Variants in SPOCK1 observed in about 807,000 individuals in gnomAD.
The protein encoded by SPOCK1 is testican-1.
Under a neutral mutation model 55.3 loss-of-function variants are expected in SPOCK1, and 23 were observed. The observed-to-expected ratio is 0.42, with a 90% CI of 0.30 to 0.59. SPOCK1 has a LOEUF of 0.59. SPOCK1 is among the 20% of genes least tolerant of loss of function. The probability of loss-of-function intolerance (pLI) is 0.22; values close to 1 mark genes in which losing one functional copy is unlikely to be tolerated. For synonymous variants in SPOCK1, 226 were observed against 221.0 expected, an observed-to-expected ratio of 1.02 and a Z score of -0.20; for missense variants, 499 against 552.5, an observed-to-expected ratio of 0.90 and a Z score of 0.97.
intron 4 of SPOCK1, among the ~76,000 whole-genome samples, chr5:137,122,060 G>A (rs1320121619): frequency 1.3e-5 from 2 of 151,564 alleles, no homozygotes; most frequent in African/African-American, 4.9e-5. Flanking sequence ...ATAGGATGAC[G>A]TGACCACGTA....
intron 2 of SPOCK1, among the ~76,000 whole-genome samples, chr5:137,484,604 G>A (rs906708481): frequency 6.6e-6 from 1 of 152,222 alleles, no homozygotes; most frequent in Non-Finnish European, 1.5e-5. Context: ...ACAGTTCCAA[G>A]GGTAGAATCA....
chr5:136,999,698 G>C (rs1021551648), intron 6 of SPOCK1, among the ~76,000 whole-genome samples: 3 of 152,160 alleles, frequency 2.0e-5, no homozygotes, highest in Admixed American at 2.0e-4. Context: ...TGGAAAGGGA[G>C]ACAGAGGATA....
chr5:137,174,445 A>G (rs1754814412), intron 3 of SPOCK1, among the ~76,000 whole-genome samples: 1 of 152,136 alleles, frequency 6.6e-6, no homozygotes, highest in Non-Finnish European at 1.5e-5. Context: ...ATTCCTAATT[A>G]TTTTTCATAC....
Position 137,039,270 on chromosome 5 carries a change from C to CTTTTTTTTTTTT in SPOCK1, c.589+28433_589+28444dup, listed in dbSNP as rs11479277. On this transcript the variant is annotated intron_variant, in intron 6 of 10. Transcript: ENST00000394945. ...TCACTCTGCCTTTCTGCCTGCCACA[C>CTTTTTTTTTTTT]TTTTTTTTTTTTTTTTTTTTTTTTT... Among the ~76,000 whole-genome samples the CTTTTTTTTTTTT allele has an allele frequency of 3.3e-4, 29 of 88,940 alleles. 2 individuals carry two copies. Among genetic ancestry groups the CTTTTTTTTTTTT allele is most frequent in the Non-Finnish European group, 4.7e-4 (21 of 44,510 alleles). 58.3% of individuals were successfully genotyped at this position (88,940 alleles called of 152,430 possible).
intron 2 of SPOCK1, among the ~76,000 whole-genome samples, chr5:137,321,084 T>C (rs1421095138): frequency 6.6e-6 from 1 of 151,600 alleles, no homozygotes; most frequent in Non-Finnish European, 1.5e-5. Context: ...ACACAAAAAC[T>C]GAGTTGGAAA....
intron 2 of SPOCK1, among the ~76,000 whole-genome samples, chr5:137,426,439 A>G (rs146769275): frequency 1.3e-5 from 2 of 152,316 alleles, no homozygotes; most frequent in East Asian, 3.9e-4. Flanking sequence ...ACTGACATCA[A>G]CAAAAGAAAT....
intron 2 of SPOCK1, among the ~76,000 whole-genome samples, chr5:137,420,554 A>G (rs1277687467): frequency 6.6e-6 from 1 of 152,154 alleles, no homozygotes; most frequent in Non-Finnish European, 1.5e-5. Flanking sequence ...GAATTTATCC[A>G]TTTCTTCTAA....
intron 3 of SPOCK1, among the ~76,000 whole-genome samples, chr5:137,141,962 C>T (rs1250865130): frequency 2.0e-5 from 3 of 152,176 alleles, no homozygotes; most frequent in Admixed American, 6.5e-5. Context: ...CAGCGCTCTG[C>T]GTGCTGAGGT....
intron 2 of SPOCK1, among the ~76,000 whole-genome samples, chr5:137,481,177 G>C (rs1205212450): frequency 8.3e-6 from 1 of 120,654 alleles, no homozygotes; most frequent in East Asian, 2.6e-4. Flanking sequence ...ATTCAGAGCA[G>C]ATGCCTTCTC....
chr5:137,169,260 C>G (rs981784673), intron 3 of SPOCK1, among the ~76,000 whole-genome samples: 5 of 151,888 alleles, frequency 3.3e-5, no homozygotes, highest in Non-Finnish European at 5.9e-5. Flanking sequence ...ATGAATAAGA[C>G]CTAATATTTG....
intron 2 of SPOCK1, among the ~76,000 whole-genome samples, chr5:137,465,312 C>A (rs1753597158): frequency 6.6e-6 from 1 of 152,028 alleles, no homozygotes; most frequent in African/African-American, 2.4e-5. Context: ...CAGAAAGCTG[C>A]CAAAATCATG....
chr5:137,192,001 G>A (rs983451479), intron 3 of SPOCK1, among the ~76,000 whole-genome samples: 1 of 152,102 alleles, frequency 6.6e-6, no homozygotes, highest in Non-Finnish European at 1.5e-5. Flanking sequence ...TTGGGAGGCT[G>A]AGGTACGTGG....
chr5:137,074,395 TA>T, intron 5 of SPOCK1, among the ~76,000 whole-genome samples: 1 of 152,290 alleles, frequency 6.6e-6, no homozygotes, highest in South Asian at 2.1e-4. Flanking sequence ...CCCCTTTTCT[TA>T]GGGGTGAGGT....
chr5:137,427,602 T>C (rs758662285), intron 2 of SPOCK1, among the ~76,000 whole-genome samples: 1 of 152,104 alleles, frequency 6.6e-6, no homozygotes, highest in Non-Finnish European at 1.5e-5. Flanking sequence ...CAGAAACAAC[T>C]TGTCTTACCG....
At chr5:137,066,846 A>C (rs1752512776) in intron 6 of SPOCK1, among the ~76,000 whole-genome samples, 1 of 152,116 alleles carries the variant, frequency 6.6e-6, no homozygotes, top group Admixed American at 6.6e-5. Context: ...TGAAATCTTC[A>C]TCATTTATTT....
chr5:137,196,120 A>C (rs530447780), intron 3 of SPOCK1, among the ~76,000 whole-genome samples: 113 of 152,270 alleles, frequency 7.4e-4, no homozygotes, highest in Admixed American at 1.9e-3. Context: ...ATTACCTCAT[A>C]GATCATTGCC....
Position 137,172,821 on chromosome 5 carries a change from G to A in SPOCK1, c.233-32127C>T, listed in dbSNP as rs905078802. Reference sequence around the variant, plus strand: ...CAGGCATTTACTGAGTGCCATACTTGGGGGTACAAAGCTTATAACCCAGGG... The same window carrying A: ...CAGGCATTTACTGAGTGCCATACTTAGGGGTACAAAGCTTATAACCCAGGG... On this transcript the variant is annotated intron_variant, in intron 3 of 10. Transcript: ENST00000394945. 2.0e-5 allele frequency among the ~76,000 whole-genome samples: 3 copies of A among 152,098 alleles called. No homozygotes were observed. In the East Asian group the frequency reaches 5.8e-4, roughly 29 times the overall value.
At chr5:137,160,008 G>C (rs1580782626) in intron 3 of SPOCK1, among the ~76,000 whole-genome samples, 1 of 152,014 alleles carries the variant, frequency 6.6e-6, no homozygotes, top group African/African-American at 2.4e-5. Context: ...GGTGGTGTAT[G>C]GTAACATGAG....
At chr5:137,338,161 C>T (rs1302575786) in intron 2 of SPOCK1, among the ~76,000 whole-genome samples, 2 of 151,590 alleles carry the variant, frequency 1.3e-5, no homozygotes, top group African/African-American at 4.9e-5. Context: ...TAATGCTATC[C>T]CTTCCCCCAC....
Sources: allele counts gnomAD v4.1 joint callset (sites outside exome capture counted in the v4.1 genomes callset), GRCh38; gene constraint gnomAD v4.1.1; transcripts MANE v1.5; gene names NCBI Gene and HGNC (gene_info 2026-07-23, HGNC 2026-07-21).